TCEA3: variants seen among roughly 807,000 people sequenced by gnomAD.
TCEA3 encodes the protein transcription elongation factor A protein 3.
In TCEA3, 36 loss-of-function variants were observed where a neutral mutation model predicts 44.0. The ratio of observed to expected loss-of-function variants is 0.82; its 90% CI spans 0.63 to 1.08. TCEA3 has a LOEUF of 1.08. Ranked by LOEUF, TCEA3 falls within the 50% of genes least tolerant of loss-of-function variation. The pLI, the probability that TCEA3 is intolerant of heterozygous loss-of-function variation, is 0.00. For synonymous variants in TCEA3, 162 were observed against 159.7 expected, an observed-to-expected ratio of 1.01 and a Z score of -0.11; for missense variants, 392 against 441.2, an observed-to-expected ratio of 0.89 and a Z score of 1.00.
chr1:23,421,395 A>C (rs1391883717), intron 1 of TCEA3, among the ~76,000 whole-genome samples: 2 of 152,172 alleles, frequency 1.3e-5, no homozygotes, highest in Non-Finnish European at 2.9e-5. Flanking sequence ...CCACTATACA[A>C]ATTGTGTTAG....
Position 23,397,850 on chromosome 1 carries a change from T to A in TCEA3, c.549A>T (p.Thr183=). 1 of 1,613,926 alleles carries A rather than the reference T, an allele frequency of 6.2e-7. No individual in the cohort carries two copies. The highest frequency in any genetic ancestry group is 8.5e-7 in the Non-Finnish European group (1 of 1,179,870). Residue 183 remains threonine (T), a synonymous_variant, in exon 6 of 11, where the codon ACA becomes ACT. Transcript: ENST00000450454. ...SMCLLAPCYL[T]GDSVRDKCVE... is the part of the protein sequence containing the mutation. ...CACACTTGTCCCGGACAGAGTCCCC[T>A]GTGAGATAGCAGGGGGCCAGGAGAC...
At chr1:23,419,415 C>A (rs564535964) in intron 1 of TCEA3, 1 of 341,826 alleles carries the variant, frequency 2.9e-6, no homozygotes, top group Admixed American at 4.8e-5. Flanking sequence ...TGCCCTCCCC[C>A]TTCCCCATCT....
At chr1:23,411,506 C>T (rs1376395672) in intron 4 of TCEA3, 3 of 225,954 alleles carry the variant, frequency 1.3e-5, no homozygotes, top group African/African-American at 2.3e-5. Flanking sequence ...GGTGAATACA[C>T]GGATAAAAAT....
At chr1:23,393,741 G>C in intron 8 of TCEA3, 138 bp downstream of exon 8, 1 of 1,147,708 alleles carries the variant, frequency 8.7e-7, no homozygotes, top group Non-Finnish European at 1.2e-6. Context: ...CCAGAGCCCA[G>C]GGGGGAGGCT....
intron 1 of TCEA3, among the ~76,000 whole-genome samples, chr1:23,422,212 C>T (rs1457988686): frequency 6.6e-6 from 1 of 152,148 alleles, no homozygotes; most frequent in Non-Finnish European, 1.5e-5. Flanking sequence ...ACGTGTGTGG[C>T]TGTCTTTGTG....
intron 7 of TCEA3, among the ~76,000 whole-genome samples, chr1:23,394,883 G>C (rs571405044): frequency 4.6e-5 from 7 of 152,324 alleles, no homozygotes; most frequent in Admixed American, 3.9e-4. Flanking sequence ...CAACCACAGA[G>C]TTTCTGTCCA....
intron 10 of TCEA3, chr1:23,383,457 A>G (rs1638731415): frequency 1.1e-6 from 1 of 928,386 alleles, no homozygotes; most frequent in Non-Finnish European, 1.3e-6. Flanking sequence ...GTGTTTATGC[A>G]TACATGATAA....
intron 5 of TCEA3, 28 bp from the exon 6 acceptor site, chr1:23,397,983 T>C: frequency 2.5e-6 from 4 of 1,611,378 alleles, no homozygotes; most frequent in East Asian, 2.2e-5. Context: ...TAACAGACAT[T>C]TGACATTAAG....
intron 8 of TCEA3, among the ~76,000 whole-genome samples, chr1:23,392,475 C>CTGCA (rs796674857): frequency 5.9e-4 from 7 of 11,838 alleles, no homozygotes; most frequent in African/African-American, 1.2e-3. Context: ...ATCATACACA[C>CTGCA]CACACACTCC....
intron 1 of TCEA3, chr1:23,423,940 G>A (rs1640139204): frequency 4.5e-6 from 2 of 448,342 alleles, no homozygotes; most frequent in South Asian, 3.1e-5. Context: ...CGCCCCGCGG[G>A]CCCCCGCACC....
intron 7 of TCEA3, among the ~76,000 whole-genome samples, chr1:23,394,255 C>A (rs964332123): frequency 6.6e-6 from 1 of 152,144 alleles, no homozygotes; most frequent in African/African-American, 2.4e-5. Flanking sequence ...GGGGTAAGAT[C>A]AGATCATAGC....
rs1383405513 is a variant in TCEA3 at position 23,394,068 on chromosome 1, A to G, written c.665-35T>C. On this transcript the variant is annotated intron_variant, in intron 7 of 10. Coordinates refer to ENST00000450454, the MANE Select transcript of TCEA3 (RefSeq NM_003196.3). ...TCAAGGGCCGGCCAGCCATTCATGG[A>G]GGGGCACAGAAGGGTGCAGGCCTGG... is the stretch of plus-strand genomic sequence containing the variant. 3 of 1,612,634 alleles carry G rather than the reference A, an allele frequency of 1.9e-6. No homozygotes were observed. In the East Asian group the frequency reaches 6.7e-5, roughly 36 times the overall value.
chr1:23,386,704 C>T (rs1226698801), intron 9 of TCEA3, among the ~76,000 whole-genome samples: 2 of 139,398 alleles, frequency 1.4e-5, no homozygotes, highest in Non-Finnish European at 3.1e-5. Context: ...ATTACAGGCA[C>T]GTGCCACCAT....
chr1:23,415,089 T>C (rs1639850556), intron 4 of TCEA3, among the ~76,000 whole-genome samples: 1 of 143,530 alleles, frequency 7.0e-6, no homozygotes, highest in African/African-American at 2.6e-5. Flanking sequence ...AGTGGCGGGA[T>C]CTCAGCTCAC....
chr1:23,417,493 GCA>G, intron 3 of TCEA3, 103 bp from the exon 4 acceptor site: 1 of 1,463,538 alleles, frequency 6.8e-7, no homozygotes, highest in Admixed American at 2.7e-5. Flanking sequence ...GAGGACAGCT[GCA>G]CACACACTCC....
intron 1 of TCEA3, 56 bp downstream of exon 1, chr1:23,424,509 G>GGA: frequency 6.6e-7 from 1 of 1,526,636 alleles, no homozygotes; most frequent in Non-Finnish European, 9.0e-7. Context: ...CCGGAATCCG[G>GGA]GGCTTGCCCG....
chr1:23,383,722 C>T (rs560553172), intron 10 of TCEA3: 28 of 985,508 alleles, frequency 2.8e-5, no homozygotes, highest in South Asian at 2.3e-4. Flanking sequence ...ACAATAGGCA[C>T]GTGACCACAC....
At chr1:23,419,734 G>T (rs1340335554) in intron 1 of TCEA3, among the ~76,000 whole-genome samples, 1 of 152,182 alleles carries the variant, frequency 6.6e-6, no homozygotes, top group African/African-American at 2.4e-5. Context: ...TACTCAGGAG[G>T]CTGAGGCAGG....
intron 1 of TCEA3, 128 bp downstream of exon 1, chr1:23,424,437 C>T (rs1640158143): frequency 1.3e-6 from 1 of 789,124 alleles, no homozygotes. Flanking sequence ...ACCAGCCGCT[C>T]CTCCCTCGGG....
Sources: gnomAD v4.1 joint callset for allele counts (sites outside exome capture counted in the v4.1 genomes callset) on GRCh38, gnomAD v4.1.1 for gene constraint, MANE v1.5 for transcripts, NCBI Gene and HGNC (gene_info 2026-07-23, HGNC 2026-07-21) for gene names.